The following C4orf51 variants were observed in gnomAD, a reference collection of about 807,000 sequenced individuals.
The protein encoded by C4orf51 is uncharacterized protein C4orf51.
In C4orf51, 25 loss-of-function variants were observed where a neutral mutation model predicts 25.2. That is an observed-to-expected ratio of 0.99 (90% CI 0.72 to 1.39). The LOEUF is 1.39. Among genes scored for constraint, C4orf51 ranks in the 40% most tolerant of loss-of-function variants. C4orf51 has a pLI of 0.00. For missense variants in C4orf51, 252 were observed against 239.6 expected, an observed-to-expected ratio of 1.05 and a Z score of -0.34; for synonymous variants, 100 against 84.5, an observed-to-expected ratio of 1.18 and a Z score of -1.01.
At chr4:145,689,973 G>A (rs547298924) in intron 1 of C4orf51, among the ~76,000 whole-genome samples, 1 of 151,936 alleles carries the variant, frequency 6.6e-6, no homozygotes, top group Non-Finnish European at 1.5e-5. Flanking sequence ...GGGAGGCCTA[G>A]GTGGGCGGAT....
At chr4:145,782,475 C>T in the C4orf51 span, among the ~76,000 whole-genome samples, 1 of 152,136 alleles carries the variant, frequency 6.6e-6, no homozygotes, top group Non-Finnish European at 1.5e-5. Flanking sequence ...ATTCCTCCCC[C>T]GACTCTCTTT....
At chr4:145,776,048 G>A in the C4orf51 span, 1 of 1,479,944 alleles carries the variant, frequency 6.8e-7, no homozygotes, top group African/African-American at 1.4e-5. Flanking sequence ...AGGTATCAAG[G>A]AAAGAATGGT....
chr4:145,733,280 C>T (rs887146951), downstream of C4orf51, among the ~76,000 whole-genome samples: 3 of 152,146 alleles, frequency 2.0e-5, no homozygotes, highest in African/African-American at 7.2e-5. Context: ...CCCCTAGCGT[C>T]CACAGGCCGC....
In C4orf51 at chr4:145,680,217, T is replaced by A; in HGVS notation, c.14T>A (p.Phe5Tyr). Residue 5 changes from phenylalanine (F) to tyrosine (Y), a missense_variant, in exon 1 of 6, where the codon TTC becomes TAC. Transcript: ENST00000438731. MSHYFYLTPQILLPF... is the reference protein window; with the variant it reads MSHYYYLTPQILLPF... ...CCGTTCGTAGTTATGTCACACTACT[T>A]CTACTTGACTCCACAAATTCTTCTG... 2 of 1,613,198 alleles carry A rather than the reference T, an allele frequency of 1.2e-6. No homozygotes were observed. The highest frequency in any genetic ancestry group is 1.7e-6 in the Non-Finnish European group (2 of 1,179,160).
At chr4:145,715,923 G>A (rs979646670) in intron 2 of C4orf51, among the ~76,000 whole-genome samples, 1 of 152,184 alleles carries the variant, frequency 6.6e-6, no homozygotes. Context: ...AGAGCTTGGA[G>A]CTCTGGGTGA....
the C4orf51 span, among the ~76,000 whole-genome samples, chr4:145,781,228 G>GAAAAAAAAAAAAAAAAAAAAAAAAAAAAA: frequency 1.0e-5 from 1 of 99,684 alleles, no homozygotes; most frequent in Non-Finnish European, 2.0e-5. Flanking sequence ...GAAAAAAAAA[G>GAAAAAAAAAAAAAAAAAAAAAAAAAAAAA]AAAAAAAAAA....
At chr4:145,680,729 G>C (rs1728786723) in intron 1 of C4orf51, among the ~76,000 whole-genome samples, 1 of 152,104 alleles carries the variant, frequency 6.6e-6, no homozygotes, top group South Asian at 2.1e-4. Context: ...TCAGCAAAAA[G>C]GTGCTCCTGA....
At chr4:145,710,936 A>G (rs1731097202) in intron 2 of C4orf51, among the ~76,000 whole-genome samples, 1 of 152,162 alleles carries the variant, frequency 6.6e-6, no homozygotes, top group Non-Finnish European at 1.5e-5. Context: ...AACTTATCTG[A>G]GGAATTTAGA....
chr4:145,775,912 C>A (rs79923423), downstream of C4orf51: 1 of 1,614,090 alleles, frequency 6.2e-7, no homozygotes, highest in South Asian at 1.1e-5. Flanking sequence ...CAGATTTGCA[C>A]GGCACTTAGC....
the C4orf51 span, among the ~76,000 whole-genome samples, chr4:145,778,437 A>G: frequency 6.6e-6 from 1 of 152,134 alleles, no homozygotes; most frequent in Non-Finnish European, 1.5e-5. Flanking sequence ...CCCGACAACA[A>G]AAACCTTTTT....
chr4:145,755,566 A>G (rs1028102901), downstream of C4orf51, among the ~76,000 whole-genome samples: 1 of 152,024 alleles, frequency 6.6e-6, no homozygotes, highest in Non-Finnish European at 1.5e-5. Context: ...TCAACTACAA[A>G]GAAAGAATTA....
downstream of C4orf51, among the ~76,000 whole-genome samples, chr4:145,736,394 A>G (rs551272448): frequency 6.6e-6 from 1 of 152,018 alleles, no homozygotes; most frequent in African/African-American, 2.4e-5. Flanking sequence ...ATCTGTCACC[A>G]TGCACCCTGG....
At chr4:145,692,347 A>G (rs989953) in intron 1 of C4orf51, among the ~76,000 whole-genome samples, 22,678 of 152,136 alleles carry the variant, frequency 0.15, 1,842 homozygotes, top group Admixed American at 0.2. Flanking sequence ...ATAAAATTCA[A>G]AAAAACCAGC....
At chr4:145,722,247 T>A (rs1266776642) in intron 2 of C4orf51, among the ~76,000 whole-genome samples, 2 of 152,216 alleles carry the variant, frequency 1.3e-5, no homozygotes, top group Non-Finnish European at 2.9e-5. Context: ...TTTTGCCACA[T>A]TTCCTAACAT....
At chr4:145,768,871 A>AC (rs1218118825) in intron 1 of C4orf51, among the ~76,000 whole-genome samples, 2 of 24,658 alleles carry the variant, frequency 8.1e-5, no homozygotes, top group African/African-American at 1.3e-4. Flanking sequence ...AAAAAAAAAA[A>AC]AAAAAAAAAA....
At position 145,680,154 on chromosome 4, in the gene C4orf51, A is replaced by T; in HGVS notation, c.-50A>T. On this transcript the variant is annotated 5_prime_UTR_variant, in exon 1 of 6. Coordinates refer to ENST00000438731, the MANE Select transcript of C4orf51 (RefSeq NM_001080531.3). ...GCTACTAGAAGGAAATTAATTCTTC[A>T]TTATGCAGAGGACTTGACAAGTTGT... 7.4e-7 allele frequency: 1 copy of T among 1,352,068 alleles called. No individual in the cohort carries two copies. The highest frequency in any genetic ancestry group is 2.3e-5 in the East Asian group (1 of 43,524). 83.8% of individuals were successfully genotyped at this position (1,352,068 alleles called of 1,614,324 possible). A position where few individuals can be genotyped will look rare whatever the true frequency, so the allele number is the denominator to read the frequency against.
At chr4:145,760,181 C>T (rs1484849587) in intron 1 of C4orf51, 1 of 152,184 alleles carries the variant, frequency 6.6e-6, no homozygotes, top group Non-Finnish European at 1.5e-5. Context: ...ACTCTGTAGC[C>T]ATCAAAGAGA....
chr4:145,738,029 G>A (rs1157907346), intron 1 of C4orf51, among the ~76,000 whole-genome samples: 2 of 151,936 alleles, frequency 1.3e-5, no homozygotes, highest in Admixed American at 1.3e-4. Context: ...GAATTTTAAG[G>A]GGTTATAGAG....
At chr4:145,748,318 G>A (rs949394910) in intron 1 of C4orf51, among the ~76,000 whole-genome samples, 1 of 151,792 alleles carries the variant, frequency 6.6e-6, no homozygotes, top group Non-Finnish European at 1.5e-5. Context: ...TGTCAAATTT[G>A]TTTAGCTTTT....
Sources: allele counts gnomAD v4.1 joint callset (sites outside exome capture counted in the v4.1 genomes callset), GRCh38; gene constraint gnomAD v4.1.1; transcripts MANE v1.5; gene names NCBI Gene and HGNC (gene_info 2026-07-23, HGNC 2026-07-21).